The following KALRN variants were observed in gnomAD, a reference collection of about 807,000 sequenced individuals.
KALRN encodes kalirin.
Under a neutral mutation model 353.7 loss-of-function variants are expected in KALRN, and 70 were observed. That is an observed-to-expected ratio of 0.20 (90% CI 0.16 to 0.24). KALRN has a LOEUF of 0.24. KALRN is among the 10% of genes least tolerant of loss of function. The probability of loss-of-function intolerance (pLI) is 1.00; values close to 1 mark genes in which losing one functional copy is unlikely to be tolerated. For synonymous variants in KALRN, 1,391 were observed against 1,434.8 expected (o/e 0.97, Z 0.69); for missense variants, 2,791 against 3,756.7 (o/e 0.74, Z 6.72).
chr3:124,581,226 C>T (rs138469762), intron 34 of KALRN, among the ~76,000 whole-genome samples: 197 of 152,106 alleles, frequency 1.3e-3, no homozygotes, highest in South Asian at 3.7e-3. Context: ...TGGTGGCTCA[C>T]GCCTGTAATC....
At chr3:124,168,763 G>C (rs2071274542) in intron 1 of KALRN, among the ~76,000 whole-genome samples, 2 of 152,198 alleles carry the variant, frequency 1.3e-5, no homozygotes, top group Admixed American at 6.5e-5. Context: ...GGTAACTACA[G>C]CCACATGCCT....
At chr3:124,058,483 T>C (rs1490315670) in intron 1 of KALRN, among the ~76,000 whole-genome samples, 2 of 152,212 alleles carry the variant, frequency 1.3e-5, no homozygotes, top group African/African-American at 4.8e-5. Flanking sequence ...TCTTTGTGCT[T>C]TTATTCAGTA....
chr3:124,173,704 C>T (rs1467802621), intron 1 of KALRN, among the ~76,000 whole-genome samples: 5 of 152,276 alleles, frequency 3.3e-5, no homozygotes, highest in African/African-American at 1.2e-4. Context: ...CAACCTCTGA[C>T]TCCCTGGTTC....
At chr3:124,280,375 T>C (rs955843874) in intron 5 of KALRN, among the ~76,000 whole-genome samples, 2 of 152,182 alleles carry the variant, frequency 1.3e-5, no homozygotes, top group South Asian at 2.1e-4. Context: ...CCCAGGGTCA[T>C]TGGGGAACTA....
intron 1 of KALRN, among the ~76,000 whole-genome samples, chr3:124,150,899 T>G (rs1373978550): frequency 1.3e-5 from 2 of 152,226 alleles, no homozygotes; most frequent in Non-Finnish European, 2.9e-5. Flanking sequence ...GTAATCTCTG[T>G]GGCAACTCCC....
chr3:124,722,873 T>TTTTTG lies in KALRN; in HGVS notation c.*3420_*3424dup, dbSNP rs962605097. 19 of 152,306 alleles carry TTTTTG rather than the reference T, an allele frequency of 1.2e-4. No individual in the cohort carries two copies. The highest frequency in any genetic ancestry group is 4.1e-4 in the African/African-American group (17 of 41,560). 9.4% of individuals were successfully genotyped at this position (152,306 alleles called of 1,614,324 possible). The stretch of plus-strand genomic sequence containing the variant: ...TTATTCATTGCATAGGGTTTTGAGC[T>TTTTTG]TTTTGTTTTGTTTTGTTTTGTAAGG... On this transcript the variant is annotated 3_prime_UTR_variant, in exon 60 of 60. Coordinates refer to ENST00000682506, the MANE Select transcript of KALRN (RefSeq NM_001388419.1).
At chr3:124,223,521 T>C (rs775138544) in intron 1 of KALRN, among the ~76,000 whole-genome samples, 18 of 152,186 alleles carry the variant, frequency 1.2e-4, no homozygotes, top group Non-Finnish European at 1.9e-4. Context: ...AACTTCTAAA[T>C]AGGTGCACAT....
chr3:124,419,942 A>T (rs1001166675), intron 14 of KALRN, among the ~76,000 whole-genome samples: 2 of 152,188 alleles, frequency 1.3e-5, no homozygotes, highest in African/African-American at 2.4e-5. Flanking sequence ...CTGCCGATTG[A>T]CAGATATTTA....
At chr3:124,446,137 A>G (rs750475643) in intron 19 of KALRN, 24 bp from the exon 20 acceptor site, 1 of 1,547,930 alleles carries the variant, frequency 6.5e-7, no homozygotes, top group South Asian at 1.1e-5. Context: ...CCTTGTGACC[A>G]TCATGCATCT....
intron 1 of KALRN, among the ~76,000 whole-genome samples, chr3:124,199,687 C>T (rs1213002942): frequency 7.9e-5 from 12 of 152,134 alleles, no homozygotes; most frequent in Non-Finnish European, 7.4e-5. Flanking sequence ...TACCATGCAG[C>T]GATCTAAGTG....
At chr3:124,194,036 G>C (rs2075197523) in intron 1 of KALRN, among the ~76,000 whole-genome samples, 1 of 152,154 alleles carries the variant, frequency 6.6e-6, no homozygotes, top group African/African-American at 2.4e-5. Context: ...TTGCTCAACA[G>C]ATATTCACTG....
intron 33 of KALRN, among the ~76,000 whole-genome samples, chr3:124,538,105 A>G (rs59122019): frequency 0.02 from 2,974 of 152,340 alleles, 113 homozygotes; most frequent in African/African-American, 0.068. Context: ...TTGGCTTTTG[A>G]CAAGTGCAAG....
intron 1 of KALRN, among the ~76,000 whole-genome samples, chr3:124,224,196 T>TA (rs1363910459): frequency 4.9e-5 from 7 of 143,720 alleles, no homozygotes; most frequent in South Asian, 2.2e-4. Context: ...GGCTTAGGGG[T>TA]TTTTTTTTTA....
intron 9 of KALRN, among the ~76,000 whole-genome samples, chr3:124,340,982 G>T (rs1386357013): frequency 1.3e-5 from 2 of 152,108 alleles, no homozygotes; most frequent in East Asian, 1.9e-4. Flanking sequence ...AAAAAGAAAA[G>T]AACATTTTCC....
At chr3:124,180,461 G>A (rs1457986620) in intron 1 of KALRN, among the ~76,000 whole-genome samples, 1 of 152,152 alleles carries the variant, frequency 6.6e-6, no homozygotes, top group Non-Finnish European at 1.5e-5. Flanking sequence ...AGAAAAAGAA[G>A]GGAAAAGAAA....
At chr3:124,093,832 T>A (rs906009009) in intron 1 of KALRN, among the ~76,000 whole-genome samples, 5 of 152,184 alleles carry the variant, frequency 3.3e-5, no homozygotes, top group African/African-American at 1.2e-4. Context: ...GCATTTGAGT[T>A]ATTTGTTGGA....
intron 6 of KALRN, among the ~76,000 whole-genome samples, chr3:124,322,271 CAT>C (rs2079412579): frequency 6.6e-6 from 1 of 152,174 alleles, no homozygotes; most frequent in African/African-American, 2.4e-5. Context: ...CTGGAACTGA[CAT>C]TACTTACTCA....
In KALRN at chr3:124,237,045, C is replaced by T. The variant is rs2877790; in HGVS notation, c.263+2102C>T. ...CCTAGTCATGCCCACCAGTCACTTC[C>T]TAATTCTCTTGGCTACATGTCACAC... On this transcript the variant is annotated intron_variant, in intron 3 of 59. Coordinates refer to ENST00000682506, the MANE Select transcript of KALRN (RefSeq NM_001388419.1). Among the ~76,000 whole-genome samples, 6,128 of 152,298 alleles carry T rather than the reference C, an allele frequency of 0.04. 745 individuals carry two copies. The East Asian group carries it at 0.46, about 11-fold the overall frequency.
chr3:124,554,141 A>G (rs1053751217), intron 33 of KALRN, among the ~76,000 whole-genome samples: 7 of 152,234 alleles, frequency 4.6e-5, no homozygotes, highest in African/African-American at 1.7e-4. Context: ...GGATCACTTC[A>G]GCCCAGGAGT....
Sources: allele counts gnomAD v4.1 joint callset (sites outside exome capture counted in the v4.1 genomes callset), GRCh38; gene constraint gnomAD v4.1.1; transcripts MANE v1.5; gene names NCBI Gene and HGNC (gene_info 2026-07-23, HGNC 2026-07-21).